TUBB2B: variants seen among roughly 807,000 people sequenced by gnomAD.
TUBB2B encodes the protein tubulin beta-2B chain.
A neutral mutation model predicts 35.0 loss-of-function variants in TUBB2B; 5 were observed. The ratio of observed to expected loss-of-function variants is 0.14; its 90% CI spans 0.07 to 0.30. The LOEUF (loss-of-function observed/expected upper bound fraction) is 0.30, where lower values mean the gene tolerates loss of function less well. TUBB2B is among the 10% of genes least tolerant of loss of function. The pLI is 1.00. For missense variants in TUBB2B, 63 were observed against 601.8 expected (o/e 0.10, Z 9.37); for synonymous variants, 166 against 250.5 (o/e 0.66, Z 3.18).
chr6:3,226,025 T>C lies in TUBB2B; in HGVS notation c.277+134A>G. The C allele has an allele frequency of 7.6e-7, 1 of 1,309,550 alleles. No homozygotes were observed. The highest frequency in any genetic ancestry group is 2.4e-5 in the East Asian group (1 of 41,104). The allele number at this position is 1,309,550 out of a possible 1,614,324, so 81.1% of individuals were successfully genotyped here. A position where few individuals can be genotyped will look rare whatever the true frequency, so the allele number is the denominator to read the frequency against. ...CTTAGCAGCTGAAAGGCAAACAATT[T>C]TACACTATATTAAAGCTAAGTTGGC... is the stretch of plus-strand genomic sequence containing the variant. On this transcript the variant is annotated intron_variant, in intron 3 of 3. Transcript: ENST00000259818. This position sits in a 1 kb window ranked among gnomAD's most constrained non-coding sequence, Gnocchi z 5.5.
rs1757244544 is a variant in TUBB2B, at chr6:3,224,378, T to C, written c.*373A>G. On this transcript the variant is annotated 3_prime_UTR_variant, in exon 4 of 4. Coordinates refer to ENST00000259818, the MANE Select transcript of TUBB2B (RefSeq NM_178012.5). ...TTACCATACCGAAAGAATAAATTCA[T>C]TTGAGCTTTTACCTACGCCTTTGCT... 3.2e-6 allele frequency: 1 copy of C among 312,070 alleles called. No individual in the cohort carries two copies. The highest frequency in any genetic ancestry group is 4.8e-5 in the Admixed American group (1 of 21,036). 19.3% of individuals were successfully genotyped at this position (312,070 alleles called of 1,614,324 possible).
At position 3,226,806 on chromosome 6, in the gene TUBB2B, C is replaced by T; in HGVS notation, c.58-137G>A. 1.2e-6 allele frequency: 1 copy of T among 811,306 alleles called. No homozygotes were observed. The highest frequency in any genetic ancestry group is 1.4e-5 in the South Asian group (1 of 72,318). 50.3% of individuals were successfully genotyped at this position (811,306 alleles called of 1,614,324 possible). A position where few individuals can be genotyped will look rare whatever the true frequency, so the allele number is the denominator to read the frequency against. ...GCTTTAAAGGGCGTCGTGACCCGGG[C>T]ACAGCCGCGGGGCTTGTATTTTGCA... is the stretch of plus-strand genomic sequence containing the variant. On this transcript the variant is annotated intron_variant, in intron 1 of 3. Transcript: ENST00000259818. This position sits in a 1 kb window ranked among gnomAD's most constrained non-coding sequence, Gnocchi z 5.5.
At position 3,226,658 on chromosome 6, in the gene TUBB2B, G is replaced by A. The variant is rs1390798998; in HGVS notation, c.69C>T (p.Val23=). ...GGTCAATCCCATGCTCATCACTGAT[G>A]ACCTCCCAAAACTGAGACAGAAAGG... is the stretch of plus-strand genomic sequence containing the variant. ...GNQIGAKFWE[V]ISDEHGIDPT... is the part of the protein sequence containing the mutation. The change falls in exon 2 of 4, where the codon GTC becomes GTT. Residue 23 remains valine (V), a synonymous_variant. Transcript: ENST00000259818. The surrounding 1 kb of genome is among the most constrained non-coding windows in gnomAD (Gnocchi z 5.5). 5 of 1,613,890 alleles carry A rather than the reference G, an allele frequency of 3.1e-6. No homozygotes were observed. The highest frequency in any genetic ancestry group is 4.2e-6 in the Non-Finnish European group (5 of 1,179,900).
chr6:3,227,358 C>G lies in TUBB2B; in HGVS notation c.57+129G>C. On this transcript the variant is annotated intron_variant, in intron 1 of 3. Coordinates refer to ENST00000259818, the MANE Select transcript of TUBB2B (RefSeq NM_178012.5). This position sits in a 1 kb window ranked among gnomAD's most constrained non-coding sequence, Gnocchi z 7.8. ...TCCTAGCCCAGGCCACACTCGGCGG[C>G]ACAAAGCGGCCAGGAAGGTCTGCAT... The G allele has an allele frequency of 7.9e-7, 1 of 1,267,144 alleles. No homozygotes were observed. The highest frequency in any genetic ancestry group is 1.3e-5 in the South Asian group (1 of 74,160). The allele number at this position is 1,267,144 out of a possible 1,614,324, so 78.5% of individuals were successfully genotyped here.
intron 3 of TUBB2B, 62 bp from the exon 4 acceptor site, chr6:3,225,873 C>T (rs1757281365): frequency 3.1e-6 from 5 of 1,605,600 alleles, no homozygotes; most frequent in East Asian, 4.5e-5. Flanking sequence ...TTACCTCAAA[C>T]CCCTCAATAT....
intron 3 of TUBB2B, 139 bp from the exon 4 acceptor site, chr6:3,225,950 T>C (rs916787504): frequency 5.2e-5 from 76 of 1,472,898 alleles, no homozygotes; most frequent in Non-Finnish European, 6.3e-5. Context: ...AACGTTAAAA[T>C]ATTTGTTCAT....
Position 3,226,362 on chromosome 6 carries a change from A to G in TUBB2B, c.167-93T>C. ...TGCCATCATGCAGATGTTGCCCCAA[A>G]CAAAGGGAGACCCACCATCAGGTTC... On this transcript the variant is annotated intron_variant, in intron 2 of 3. Coordinates refer to ENST00000259818, the MANE Select transcript of TUBB2B (RefSeq NM_178012.5). The surrounding 1 kb of genome is among the most constrained non-coding windows in gnomAD (Gnocchi z 5.5). 3.3e-6 allele frequency: 4 copies of G among 1,194,656 alleles called. No individual in the cohort carries two copies. Among genetic ancestry groups the G allele is most frequent in the Non-Finnish European group, 3.7e-6 (3 of 813,230 alleles). 74.0% of individuals were successfully genotyped at this position (1,194,656 alleles called of 1,614,324 possible).
rs1404267287 is a variant in TUBB2B, at chr6:3,224,313, C to T, written c.*438G>A. ...AATATTTATTAAAGGTATTTTAAAACTCAGGTTGATCTCTCATCTTAACTG... is the reference window on the plus strand; with the variant it reads ...AATATTTATTAAAGGTATTTTAAAATTCAGGTTGATCTCTCATCTTAACTG... On this transcript the variant is annotated 3_prime_UTR_variant, in exon 4 of 4. Coordinates refer to ENST00000259818, the MANE Select transcript of TUBB2B (RefSeq NM_178012.5). 1.0e-5 allele frequency: 2 copies of T among 200,744 alleles called. No individual in the cohort carries two copies. Among genetic ancestry groups the T allele is most frequent in the African/African-American group, 4.8e-5 (2 of 42,046 alleles). The allele number at this position is 200,744 out of a possible 1,614,324, so 12.4% of individuals were successfully genotyped here.
chr6:3,225,822 G>T lies in TUBB2B; in HGVS notation c.278-11C>A, dbSNP rs766014771. 1.2e-6 allele frequency: 2 copies of T among 1,613,730 alleles called. No homozygotes were observed. The highest frequency in any genetic ancestry group is 2.2e-5 in the South Asian group (2 of 91,074). The stretch of plus-strand genomic sequence containing the variant: ...CGGCTCCACTCTGGCCTGCCAGAGG[G>T]AAAGAGAAATCTTAAGTCACCGGTG... On this transcript the variant is annotated splice_polypyrimidine_tract_variant and intron_variant, in intron 3 of 3. Transcript: ENST00000259818.
chr6:3,226,040 G>A lies in TUBB2B; in HGVS notation c.277+119C>T, dbSNP rs1288705749. 3.7e-6 allele frequency: 5 copies of A among 1,335,330 alleles called. No individual in the cohort carries two copies. The highest frequency in any genetic ancestry group is 5.3e-6 in the Non-Finnish European group (5 of 942,420). The allele number at this position is 1,335,330 out of a possible 1,614,324, so 82.7% of individuals were successfully genotyped here. ...GCAAACAATTTTACACTATATTAAA[G>A]CTAAGTTGGCACACCGCGGATGTTC... On this transcript the variant is annotated intron_variant, in intron 3 of 3. Coordinates refer to ENST00000259818, the MANE Select transcript of TUBB2B (RefSeq NM_178012.5). This position sits in a 1 kb window ranked among gnomAD's most constrained non-coding sequence, Gnocchi z 5.5.
rs763701755 is a variant in TUBB2B at position 3,226,534 on chromosome 6, G to A, written c.166+27C>T. 1 of 1,595,908 alleles carries A rather than the reference G, an allele frequency of 6.3e-7. No homozygotes were observed. The highest frequency in any genetic ancestry group is 8.6e-7 in the Non-Finnish European group (1 of 1,163,326). On this transcript the variant is annotated intron_variant, in intron 2 of 3. Coordinates refer to ENST00000259818, the MANE Select transcript of TUBB2B (RefSeq NM_178012.5). The surrounding 1 kb of genome is among the most constrained non-coding windows in gnomAD (Gnocchi z 5.5). ...GGGGAGAAGGTGGAAAAACTGAAGG[G>A]AGTGGGGGTGGGGCAAGGGTGATTA...
At position 3,226,957 on chromosome 6, in the gene TUBB2B, G is replaced by A. The variant is rs1757295594; in HGVS notation, c.58-288C>T. On this transcript the variant is annotated intron_variant, in intron 1 of 3. Transcript: ENST00000259818. The surrounding 1 kb of genome is among the most constrained non-coding windows in gnomAD (Gnocchi z 5.5). ...GGCGGAGCTTGGCGCACTGGTCGCAGCCCCAGGCTGCGGCAGGAGGCGAGG... is the reference window on the plus strand; with the variant it reads ...GGCGGAGCTTGGCGCACTGGTCGCAACCCCAGGCTGCGGCAGGAGGCGAGG... Among the ~76,000 whole-genome samples, 1 of 152,192 alleles carries A rather than the reference G, an allele frequency of 6.6e-6. No individual in the cohort carries two copies. The highest frequency in any genetic ancestry group is 1.5e-5 in the Non-Finnish European group (1 of 68,038).
rs371848320 is a variant in TUBB2B at position 3,227,475 on chromosome 6, C to T, written c.57+12G>A. On this transcript the variant is annotated intron_variant, in intron 1 of 3. Coordinates refer to ENST00000259818, the MANE Select transcript of TUBB2B (RefSeq NM_178012.5). The surrounding 1 kb of genome is among the most constrained non-coding windows in gnomAD (Gnocchi z 7.8). ...CGCCCCCATTGGACCCCCTCCGCTG[C>T]GGCGCGCCCACCTTGGCGCCGATCT... The T allele has an allele frequency of 1.9e-6, 3 of 1,606,526 alleles. No homozygotes were observed. The highest frequency in any genetic ancestry group is 2.5e-6 in the Non-Finnish European group (3 of 1,179,622).
Position 3,224,550 on chromosome 6 carries a change from T to C in TUBB2B, c.*201A>G. 1 of 749,618 alleles carries C rather than the reference T, an allele frequency of 1.3e-6. No homozygotes were observed. Among genetic ancestry groups the C allele is most frequent in the Non-Finnish European group, 2.1e-6 (1 of 474,380 alleles). The allele number at this position is 749,618 out of a possible 1,614,324, so 46.4% of individuals were successfully genotyped here. A position where few individuals can be genotyped will look rare whatever the true frequency, so the allele number is the denominator to read the frequency against. On this transcript the variant is annotated 3_prime_UTR_variant, in exon 4 of 4. Coordinates refer to ENST00000259818, the MANE Select transcript of TUBB2B (RefSeq NM_178012.5). ...CCATTACAACAGTAATTCAGAAATA[T>C]CTCAAATGTTACATTGATGTCATCA... is the stretch of plus-strand genomic sequence containing the variant.
chr6:3,224,561 A>T lies in TUBB2B; in HGVS notation c.*190T>A. On this transcript the variant is annotated 3_prime_UTR_variant, in exon 4 of 4. Transcript: ENST00000259818. ...GTAATTCAGAAATATCTCAAATGTT[A>T]CATTGATGTCATCAATATTACAAAA... The T allele has an allele frequency of 2.6e-6, 2 of 783,766 alleles. No individual in the cohort carries two copies. The highest frequency in any genetic ancestry group is 3.9e-6 in the Non-Finnish European group (2 of 507,916). 48.6% of individuals were successfully genotyped at this position (783,766 alleles called of 1,614,324 possible). A position where few individuals can be genotyped will look rare whatever the true frequency, so the allele number is the denominator to read the frequency against.
At position 3,226,406 on chromosome 6, in the gene TUBB2B, A is replaced by C. The variant is rs1258184457; in HGVS notation, c.167-137T>G. 9.6e-7 allele frequency: 1 copy of C among 1,041,322 alleles called. No individual in the cohort carries two copies. Among genetic ancestry groups the C allele is most frequent in the South Asian group, 1.3e-5 (1 of 76,312 alleles). The allele number at this position is 1,041,322 out of a possible 1,614,324, so 64.5% of individuals were successfully genotyped here. ...CAGGTTCTCAAAGGGCTCTGTTGGC[A>C]TAAGGAAGCCCAATGAAATACTGCA... On this transcript the variant is annotated intron_variant, in intron 2 of 3. Transcript: ENST00000259818. The surrounding 1 kb of genome is among the most constrained non-coding windows in gnomAD (Gnocchi z 5.5).
In TUBB2B at chr6:3,225,753, C is replaced by A. The variant is rs1757279453; in HGVS notation, c.336G>T (p.Leu112=). The change falls in exon 4 of 4, where the codon CTG becomes CTT. Residue 112 remains leucine, a synonymous_variant. Transcript: ENST00000259818. ...TCACCACATCCAGGACCGAGTCGACCAGCTCGGCTCCCTCTGTGTAGTGGC... is the reference window on the plus strand; with the variant it reads ...TCACCACATCCAGGACCGAGTCGACAAGCTCGGCTCCCTCTGTGTAGTGGC... ...AKGHYTEGAE[L]VDSVLDVVRK... is the part of the protein sequence containing the mutation. 1.9e-6 allele frequency: 3 copies of A among 1,613,080 alleles called. No individual in the cohort carries two copies. The highest frequency in any genetic ancestry group is 2.2e-5 in the South Asian group (2 of 90,942).
Position 3,226,025 on chromosome 6 carries a change from TTACACTATA to T in TUBB2B, c.277+125_277+133del. The T allele has an allele frequency of 7.6e-7, 1 of 1,309,550 alleles. No homozygotes were observed. Among genetic ancestry groups the T allele is most frequent in the Non-Finnish European group, 1.1e-6 (1 of 927,240 alleles). The allele number at this position is 1,309,550 out of a possible 1,614,324, so 81.1% of individuals were successfully genotyped here. ...CTTAGCAGCTGAAAGGCAAACAATT[TTACACTATA>T]TTAAAGCTAAGTTGGCACACCGCGG... On this transcript the variant is annotated intron_variant, in intron 3 of 3. Coordinates refer to ENST00000259818, the MANE Select transcript of TUBB2B (RefSeq NM_178012.5). This position sits in a 1 kb window ranked among gnomAD's most constrained non-coding sequence, Gnocchi z 5.5.
rs1450900311 is a variant in TUBB2B, at chr6:3,227,294, A to G, written c.57+193T>C. ...GGGGACTCCAAATGAGTTACAGCAG[A>G]AAGAAAGAGAGGTGCCCCCTCCGTC... On this transcript the variant is annotated intron_variant, in intron 1 of 3. Coordinates refer to ENST00000259818, the MANE Select transcript of TUBB2B (RefSeq NM_178012.5). The surrounding 1 kb of genome is among the most constrained non-coding windows in gnomAD (Gnocchi z 7.8). Among the ~76,000 whole-genome samples, 1 of 152,080 alleles carries G rather than the reference A, an allele frequency of 6.6e-6. No individual in the cohort carries two copies. Among genetic ancestry groups the G allele is most frequent in the Non-Finnish European group, 1.5e-5 (1 of 68,004 alleles).
Sources: allele counts gnomAD v4.1 joint callset (sites outside exome capture counted in the v4.1 genomes callset), GRCh38; gene constraint gnomAD v4.1.1; non-coding constraint Gnocchi (gnomAD v3.1); transcripts MANE v1.5; gene names NCBI Gene and HGNC (gene_info 2026-07-23, HGNC 2026-07-21).